The following NECTIN3 variants were observed in gnomAD, a reference collection of about 807,000 sequenced individuals.
NECTIN3 encodes nectin cell adhesion molecule 3.
A neutral mutation model predicts 49.4 loss-of-function variants in NECTIN3; 8 were observed. The observed-to-expected ratio is 0.16, with a 90% CI of 0.10 to 0.29. The LOEUF (loss-of-function observed/expected upper bound fraction) is 0.29, where lower values mean the gene tolerates loss of function less well. Among genes scored for constraint, NECTIN3 ranks in the 10% least tolerant of loss-of-function variants. The pLI is 1.00. For synonymous variants in NECTIN3, 277 were observed against 241.1 expected, an observed-to-expected ratio of 1.15 and a Z score of -1.38; for missense variants, 581 against 654.6, an observed-to-expected ratio of 0.89 and a Z score of 1.23.
chr3:111,137,278 TAGG>T lies in NECTIN3; in HGVS notation c.*3066_*3068del, dbSNP rs1251338744. On this transcript the variant is annotated 3_prime_UTR_variant, in exon 6 of 6. Transcript: ENST00000485303. ...ACCCATTTTGAATTTTTAATTCTAATAGGAGAGTAGATTGTAGATTGAATTGTC... is the reference window on the plus strand; with the variant it reads ...ACCCATTTTGAATTTTTAATTCTAATAGAGTAGATTGTAGATTGAATTGTC... 1.5e-5 allele frequency: 14 copies of T among 955,832 alleles called. No individual in the cohort carries two copies. The Admixed American group carries it at 1.9e-4, about 13-fold the overall frequency. The allele number at this position is 955,832 out of a possible 1,614,324, so 59.2% of individuals were successfully genotyped here.
intron 5 of NECTIN3, among the ~76,000 whole-genome samples, chr3:111,143,408 A>G (rs2034797392): frequency 6.6e-6 from 1 of 151,922 alleles, no homozygotes; most frequent in African/African-American, 2.4e-5. Flanking sequence ...AAATGAGCTA[A>G]ACAAAATGAG....
chr3:111,080,102 A>T (rs535627012), intron 1 of NECTIN3, among the ~76,000 whole-genome samples: 1 of 152,142 alleles, frequency 6.6e-6, no homozygotes, highest in African/African-American at 2.4e-5. Flanking sequence ...ATAATTAGTA[A>T]TACTAATTAG....
In NECTIN3 at chr3:111,130,682, C is replaced by T. The variant is rs2034354536; in HGVS notation, c.1070-2953C>T. On this transcript the variant is annotated intron_variant, in intron 5 of 5. Transcript: ENST00000485303. The stretch of plus-strand genomic sequence containing the variant: ...TGTTCTTAATTTTGTTACACATTTT[C>T]CCACATTGATAAATGTAAGATTTTG... 2.0e-5 allele frequency among the ~76,000 whole-genome samples: 3 copies of T among 152,032 alleles called. No individual in the cohort carries two copies. In the South Asian group the frequency reaches 6.2e-4, roughly 32 times the overall value.
Position 111,135,624 on chromosome 3 carries a change from A to G in NECTIN3, c.*1409A>G. The G allele has an allele frequency of 4.2e-6, 4 of 963,332 alleles. No homozygotes were observed. Among genetic ancestry groups the G allele is most frequent in the Non-Finnish European group, 4.9e-6 (4 of 810,022 alleles). The allele number at this position is 963,332 out of a possible 1,614,324, so 59.7% of individuals were successfully genotyped here. A position where few individuals can be genotyped will look rare whatever the true frequency, so the allele number is the denominator to read the frequency against. ...TTGCCAGTGAAATGAAGTGGAAGTT[A>G]GTAGGAGAATCATAAATTAAATATA... is the stretch of plus-strand genomic sequence containing the variant. On this transcript the variant is annotated 3_prime_UTR_variant, in exon 6 of 6. Transcript: ENST00000485303.
chr3:111,090,466 A>C (rs1208005448), intron 1 of NECTIN3, among the ~76,000 whole-genome samples: 1 of 151,986 alleles, frequency 6.6e-6, no homozygotes, highest in Non-Finnish European at 1.5e-5. Flanking sequence ...AAGTCATATT[A>C]ATTAGTACAT....
intron 1 of NECTIN3, among the ~76,000 whole-genome samples, chr3:111,100,063 G>A (rs1189703967): frequency 1.3e-5 from 2 of 151,764 alleles, no homozygotes; most frequent in Non-Finnish European, 2.9e-5. Context: ...TTTGTTACTC[G>A]TCTACAGTTT....
At chr3:111,089,144 A>G (rs1028397572) in intron 1 of NECTIN3, among the ~76,000 whole-genome samples, 3 of 151,890 alleles carry the variant, frequency 2.0e-5, no homozygotes, top group African/African-American at 4.8e-5. Flanking sequence ...GTGATGCCCT[A>G]TGTTTTCATT....
chr3:111,192,938 AT>A (rs1258043788), intron 1 of NECTIN3, among the ~76,000 whole-genome samples: 4 of 152,154 alleles, frequency 2.6e-5, no homozygotes, highest in African/African-American at 4.8e-5. Context: ...GCAACTCCAA[AT>A]TTTAAAATGT....
chr3:111,121,587 T>TCA (rs1489337107), intron 3 of NECTIN3, among the ~76,000 whole-genome samples: 1 of 152,188 alleles, frequency 6.6e-6, no homozygotes, highest in Admixed American at 6.5e-5. Context: ...AAAGCCTGTG[T>TCA]CACATCTCTA....
intron 1 of NECTIN3, among the ~76,000 whole-genome samples, chr3:111,097,880 T>C (rs2032681317): frequency 6.6e-6 from 1 of 152,170 alleles, no homozygotes; most frequent in African/African-American, 2.4e-5. Flanking sequence ...AATACACATA[T>C]ATAAAAATTT....
At chr3:111,087,645 T>C (rs2032011642) in intron 1 of NECTIN3, among the ~76,000 whole-genome samples, 1 of 151,818 alleles carries the variant, frequency 6.6e-6, no homozygotes, top group African/African-American at 2.4e-5. Flanking sequence ...AGAGCGAGAC[T>C]CTGTCTCAAA....
chr3:111,185,901 A>G (rs2035711002), intron 7 of NECTIN3, among the ~76,000 whole-genome samples: 1 of 152,234 alleles, frequency 6.6e-6, no homozygotes, highest in Non-Finnish European at 1.5e-5. Flanking sequence ...AAAAGGAAAG[A>G]GTAATTATAA....
intron 5 of NECTIN3, among the ~76,000 whole-genome samples, chr3:111,143,876 A>G (rs938127067): frequency 1.3e-5 from 2 of 152,046 alleles, no homozygotes; most frequent in Non-Finnish European, 2.9e-5. Context: ...TCAGAGCTGC[A>G]ATATCTTTAT....
intron 5 of NECTIN3, among the ~76,000 whole-genome samples, chr3:111,128,481 A>G (rs1010670102): frequency 1.3e-5 from 2 of 152,196 alleles, no homozygotes; most frequent in South Asian, 2.1e-4. Context: ...CCTATTAATG[A>G]TCATTAACTC....
At chr3:111,110,198 C>T (rs920123320) in intron 1 of NECTIN3, among the ~76,000 whole-genome samples, 2 of 151,690 alleles carry the variant, frequency 1.3e-5, no homozygotes, top group African/African-American at 2.4e-5. Context: ...TTTCATATTA[C>T]ACTGGATTGA....
chr3:111,086,209 T>C (rs2031914924), intron 1 of NECTIN3, among the ~76,000 whole-genome samples: 2 of 152,204 alleles, frequency 1.3e-5, no homozygotes, highest in African/African-American at 2.4e-5. Flanking sequence ...TTGTTAATTA[T>C]ATGTATTGCA....
chr3:111,190,082 C>A (rs1483717180), upstream of NECTIN3, among the ~76,000 whole-genome samples: 5 of 152,200 alleles, frequency 3.3e-5, no homozygotes, highest in East Asian at 5.8e-4. Flanking sequence ...AGACCACTTA[C>A]AACAGAAATT....
intron 1 of NECTIN3, among the ~76,000 whole-genome samples, chr3:111,102,367 A>G (rs1381990584): frequency 6.6e-6 from 1 of 152,140 alleles, no homozygotes; most frequent in African/African-American, 2.4e-5. Context: ...GGTTTCTATA[A>G]TCCTTTCATC....
At chr3:111,072,337 C>G (rs1446639341) in intron 1 of NECTIN3, 160 bp downstream of exon 1, 4 of 1,439,434 alleles carry the variant, frequency 2.8e-6, no homozygotes, top group Non-Finnish European at 2.7e-6. Context: ...GCGCCCGGGG[C>G]GAGGCCCTGG....
Sources: gnomAD v4.1 joint callset for allele counts (sites outside exome capture counted in the v4.1 genomes callset) on GRCh38, gnomAD v4.1.1 for gene constraint, MANE v1.5 for transcripts, NCBI Gene and HGNC (gene_info 2026-07-23, HGNC 2026-07-21) for gene names.